DLGAP2: variants seen among roughly 807,000 people sequenced by gnomAD.
DLGAP2 encodes disks large-associated protein 2.
Under a neutral mutation model 100.3 loss-of-function variants are expected in DLGAP2, and 26 were observed. That is an observed-to-expected ratio of 0.26 (90% CI 0.19 to 0.36). The LOEUF (loss-of-function observed/expected upper bound fraction) is 0.36, where lower values mean the gene tolerates loss of function less well. DLGAP2 is among the 10% of genes least tolerant of loss of function. The pLI, the probability that DLGAP2 is intolerant of heterozygous loss-of-function variation, is 1.00. For missense variants in DLGAP2, 1,858 were observed against 1,453.2 expected (o/e 1.28, Z -4.53); for synonymous variants, 886 against 630.1 (o/e 1.41, Z -6.08).
chr8:1,106,307 G>T (rs1385795385), intron 2 of DLGAP2, among the ~76,000 whole-genome samples: 1 of 150,822 alleles, frequency 6.6e-6, no homozygotes, highest in Non-Finnish European at 1.5e-5. Context: ...TTCTAGAAGG[G>T]TTTTCTATTG....
intron 1 of DLGAP2, among the ~76,000 whole-genome samples, chr8:904,067 T>G (rs1362739884): frequency 6.6e-6 from 1 of 152,228 alleles, no homozygotes; most frequent in Non-Finnish European, 1.5e-5. Flanking sequence ...TCGGGAACCC[T>G]AGCTGGGGCC....
chr8:1,487,671 C>T (rs971168923), intron 3 of DLGAP2, among the ~76,000 whole-genome samples: 1 of 152,158 alleles, frequency 6.6e-6, no homozygotes, highest in Non-Finnish European at 1.5e-5. Flanking sequence ...TAGGAATCGT[C>T]TGTTCATATG....
At chr8:1,289,352 C>A (rs1256197200) in intron 3 of DLGAP2, among the ~76,000 whole-genome samples, 1 of 152,140 alleles carries the variant, frequency 6.6e-6, no homozygotes, top group Non-Finnish European at 1.5e-5. Context: ...TTTAACAAGT[C>A]CTGGTTTTTC....
chr8:850,059 T>TAAA (rs369727619), intron 1 of DLGAP2, among the ~76,000 whole-genome samples: 2 of 129,302 alleles, frequency 1.5e-5, no homozygotes, highest in Non-Finnish European at 1.6e-5. Flanking sequence ...GGAGACTGTC[T>TAAA]AAAAAAAAAA....
chr8:942,431 C>T (rs1032858216), intron 2 of DLGAP2, among the ~76,000 whole-genome samples: 3 of 152,238 alleles, frequency 2.0e-5, no homozygotes, highest in Non-Finnish European at 4.4e-5. Flanking sequence ...AAACCAGAGT[C>T]CCCACCTGGG....
chr8:1,210,089 C>A (rs1026888428), intron 2 of DLGAP2, among the ~76,000 whole-genome samples: 1 of 152,170 alleles, frequency 6.6e-6, no homozygotes, highest in Non-Finnish European at 1.5e-5. Context: ...TTGACTTAAT[C>A]CCAGGTAGGG....
intron 3 of DLGAP2, among the ~76,000 whole-genome samples, chr8:1,384,025 G>A (rs1445356452): frequency 6.6e-6 from 1 of 152,194 alleles, no homozygotes; most frequent in African/African-American, 2.4e-5. Flanking sequence ...ACCCCAACAA[G>A]AAAGGGGTTT....
At chr8:1,280,507 T>C (rs1799794280) in intron 3 of DLGAP2, among the ~76,000 whole-genome samples, 3 of 152,284 alleles carry the variant, frequency 2.0e-5, no homozygotes, top group African/African-American at 4.8e-5. Flanking sequence ...GAAAAGGTAA[T>C]AGTTTGGGGG....
rs928223541 is a variant in DLGAP2 at position 1,495,782 on chromosome 8, C to T, written c.107-5584C>T. The stretch of plus-strand genomic sequence containing the variant: ...CCCGGGGCCTTCCCCCGTATGCTTT[C>T]GCTTTCTAGTGTCTGCGATGACGTG... On this transcript the variant is annotated intron_variant, in intron 3 of 14. Transcript: ENST00000637795. Among the ~76,000 whole-genome samples, 18 of 152,338 alleles carry T rather than the reference C, an allele frequency of 1.2e-4. No individual in the cohort carries two copies. The East Asian group carries it at 1.4e-3, about 11-fold the overall frequency.
intron 1 of DLGAP2, among the ~76,000 whole-genome samples, chr8:825,025 T>C (rs7843746): frequency 0.31 from 47,339 of 151,998 alleles, 8,480 homozygotes; most frequent in African/African-American, 0.49. Flanking sequence ...CAGCACCCTG[T>C]GTTGACTCCA....
chr8:1,522,239 A>G (rs1048493938), intron 4 of DLGAP2, among the ~76,000 whole-genome samples: 40 of 152,274 alleles, frequency 2.6e-4, no homozygotes, highest in African/African-American at 9.4e-4. Context: ...GGTTTGATGC[A>G]CCAGCATCCT....
At chr8:805,492 A>G (rs1457181056) in intron 1 of DLGAP2, among the ~76,000 whole-genome samples, 1 of 152,172 alleles carries the variant, frequency 6.6e-6, no homozygotes, top group Non-Finnish European at 1.5e-5. Flanking sequence ...GCCCACACCC[A>G]AACTCAGATG....
intron 3 of DLGAP2, among the ~76,000 whole-genome samples, chr8:1,418,218 C>G (rs908064130): frequency 1.3e-5 from 2 of 152,194 alleles, no homozygotes; most frequent in African/African-American, 2.4e-5. Flanking sequence ...ATGTAACTGT[C>G]TCTACTACTG....
chr8:986,298 T>C (rs974550214), intron 2 of DLGAP2, among the ~76,000 whole-genome samples: 4 of 152,188 alleles, frequency 2.6e-5, no homozygotes, highest in Non-Finnish European at 4.4e-5. Context: ...TTTATGCTAA[T>C]GGCAATGTGA....
At chr8:1,004,687 G>T (rs1446894104) in intron 2 of DLGAP2, among the ~76,000 whole-genome samples, 1 of 152,172 alleles carries the variant, frequency 6.6e-6, no homozygotes, top group African/African-American at 2.4e-5. Context: ...TTCTTAGGAA[G>T]GTGGGAGTGT....
intron 1 of DLGAP2, among the ~76,000 whole-genome samples, chr8:763,632 T>A (rs1459122446): frequency 6.6e-6 from 1 of 151,976 alleles, no homozygotes; most frequent in East Asian, 1.9e-4. Flanking sequence ...CAGATGGTGG[T>A]GGTCGGTGGC....
rs1802279081 is a variant in DLGAP2, at chr8:1,563,804, C to T, written c.1231-1879C>T. On this transcript the variant is annotated intron_variant, in intron 5 of 14. Transcript: ENST00000637795. ...CCTTCAGCCAGAAGACCTGCCTTCA[C>T]CACCAGCCACGCAGATCCCTGCTGG... is the stretch of plus-strand genomic sequence containing the variant. 2.0e-5 allele frequency among the ~76,000 whole-genome samples: 3 copies of T among 152,256 alleles called. No individual in the cohort carries two copies. In the South Asian group the frequency reaches 6.2e-4, roughly 32 times the overall value.
intron 3 of DLGAP2, among the ~76,000 whole-genome samples, chr8:1,390,607 G>C (rs1170542943): frequency 6.6e-6 from 1 of 152,080 alleles, no homozygotes; most frequent in African/African-American, 2.4e-5. Context: ...GCCTGCTTGA[G>C]GACTGGACTT....
At chr8:1,380,679 G>T (rs1226586217) in intron 3 of DLGAP2, among the ~76,000 whole-genome samples, 2 of 152,096 alleles carry the variant, frequency 1.3e-5, no homozygotes, top group African/African-American at 4.8e-5. Context: ...GTTCACTGGG[G>T]ACTCTCTGTA....
Sources: gnomAD v4.1 joint callset for allele counts (sites outside exome capture counted in the v4.1 genomes callset) on GRCh38, gnomAD v4.1.1 for gene constraint, MANE v1.5 for transcripts, NCBI Gene and HGNC (gene_info 2026-07-23, HGNC 2026-07-21) for gene names.